WDHD1: variants seen among roughly 807,000 people sequenced by gnomAD.
WDHD1 encodes WD repeat and HMG-box DNA-binding protein 1.
A neutral mutation model predicts 135.4 loss-of-function variants in WDHD1; 111 were observed. That is an observed-to-expected ratio of 0.82 (90% CI 0.70 to 0.96). The LOEUF is 0.96. Among genes scored for constraint, WDHD1 ranks in the 40% least tolerant of loss-of-function variants. The pLI is 0.00. For missense variants in WDHD1, 1,351 were observed against 1,336.3 expected (o/e 1.01, Z -0.17); for synonymous variants, 434 against 439.0 (o/e 0.99, Z 0.14).
At chr14:54,996,633 T>G (rs1183200640) in intron 10 of WDHD1, among the ~76,000 whole-genome samples, 1 of 151,994 alleles carries the variant, frequency 6.6e-6, no homozygotes, top group Admixed American at 6.6e-5. Context: ...TTTCAAAAAG[T>G]GAAATGGTAA....
At position 55,013,597 on chromosome 14, in the gene WDHD1, CTG is replaced by C; in HGVS notation, c.78-3_78-2del. Reference sequence around the variant, plus strand: ...ATCACTTCCACAAGTCACAATAAAACTGTGAAGAAAAGACACAAATTAAAGTC... The same window carrying C: ...ATCACTTCCACAAGTCACAATAAAACTGAAGAAAAGACACAAATTAAAGTC... On this transcript the variant is annotated splice_acceptor_variant and splice_polypyrimidine_tract_variant and intron_variant, in intron 2 of 25. Transcript: ENST00000360586. LOFTEE classifies it high-confidence loss of function. 6.2e-7 allele frequency: 1 copy of C among 1,611,914 alleles called. No individual in the cohort carries two copies. The highest frequency in any genetic ancestry group is 1.1e-5 in the South Asian group (1 of 91,036).
rs372873421 is a variant in WDHD1 at position 54,995,571 on chromosome 14, G to C, written c.1153+32C>G. The C allele has an allele frequency of 8.0e-6, 12 of 1,497,210 alleles. No individual in the cohort carries two copies. The East Asian group carries it at 2.5e-4, about 31-fold the overall frequency. 92.7% of individuals were successfully genotyped at this position (1,497,210 alleles called of 1,614,324 possible). On this transcript the variant is annotated intron_variant, in intron 11 of 25. Coordinates refer to ENST00000360586, the MANE Select transcript of WDHD1 (RefSeq NM_007086.4). ...AAAAAATCTAAAATATTAATCAACA[G>C]GGTAATCACATGCACAAAGTCAAAT...
intron 25 of WDHD1, among the ~76,000 whole-genome samples, chr14:54,943,797 AAATT>A (rs2040875663): frequency 6.6e-6 from 1 of 152,088 alleles, no homozygotes; most frequent in African/African-American, 2.4e-5. Flanking sequence ...AACCGTCAAA[AAATT>A]AACCATCCAG....
chr14:54,950,675 C>G (rs2041032630), intron 24 of WDHD1, among the ~76,000 whole-genome samples: 4 of 152,170 alleles, frequency 2.6e-5, no homozygotes, highest in African/African-American at 9.7e-5. Flanking sequence ...ACTCTCCACC[C>G]CAAATCAACA....
chr14:54,940,434 C>T lies in WDHD1; in HGVS notation c.*1056G>A, dbSNP rs2040821758. 6.6e-6 allele frequency: 1 copy of T among 152,154 alleles called. No individual in the cohort carries two copies. Among genetic ancestry groups the T allele is most frequent in the African/African-American group, 2.4e-5 (1 of 41,438 alleles). The allele number at this position is 152,154 out of a possible 1,614,324, so 9.4% of individuals were successfully genotyped here. A position where few individuals can be genotyped will look rare whatever the true frequency, so the allele number is the denominator to read the frequency against. ...GGTTCATTTATGTCTAAATTTTCAA[C>T]ATACTTTTTCCCTTTCAACCTATTA... On this transcript the variant is annotated 3_prime_UTR_variant, in exon 26 of 26. Transcript: ENST00000360586.
chr14:54,998,073 C>T (rs917266524), intron 10 of WDHD1, among the ~76,000 whole-genome samples: 1 of 151,424 alleles, frequency 6.6e-6, no homozygotes, highest in Non-Finnish European at 1.5e-5. Flanking sequence ...ATTAGCAGGG[C>T]GTGGTGGTGG....
chr14:55,026,663 A>G, intron 2 of WDHD1, 48 bp downstream of exon 2: 1 of 1,579,102 alleles, frequency 6.3e-7, no homozygotes, highest in Non-Finnish European at 8.7e-7. Flanking sequence ...TTTAAGGATA[A>G]ATGTTTTAAC....
chr14:55,025,004 G>C lies in WDHD1; in HGVS notation c.77+1707C>G, dbSNP rs1220269922. Among the ~76,000 whole-genome samples, 11 of 95,806 alleles carry C rather than the reference G, an allele frequency of 1.1e-4. 3 individuals carry two copies. Among genetic ancestry groups the C allele is most frequent in the Non-Finnish European group, 2.0e-4 (8 of 40,616 alleles). The allele number at this position is 95,806 out of a possible 152,430, so 62.9% of individuals were successfully genotyped here. On this transcript the variant is annotated intron_variant, in intron 2 of 25. Coordinates refer to ENST00000360586, the MANE Select transcript of WDHD1 (RefSeq NM_007086.4). The stretch of plus-strand genomic sequence containing the variant: ...AGTAAAAGAGGAAGGAATGCCTCTT[G>C]CAGTTGAGACAAGAGGAAGGCATCT...
At chr14:54,941,874 A>G (rs376626394) in intron 25 of WDHD1, among the ~76,000 whole-genome samples, 184 bp from the exon 26 acceptor site, 4 of 152,352 alleles carry the variant, frequency 2.6e-5, no homozygotes, top group South Asian at 4.1e-4. Flanking sequence ...TTAAAGATTT[A>G]CACTACTTTT....
At chr14:54,998,892 C>T in intron 10 of WDHD1, among the ~76,000 whole-genome samples, 1 of 152,126 alleles carries the variant, frequency 6.6e-6, no homozygotes, top group Non-Finnish European at 1.5e-5. Flanking sequence ...ATAAAGTATG[C>T]CAAACTTATG....
At position 54,991,208 on chromosome 14, in the gene WDHD1, C is replaced by T. The variant is rs759356441; in HGVS notation, c.1341+5G>A. On this transcript the variant is annotated splice_donor_5th_base_variant and intron_variant, in intron 12 of 25. Coordinates refer to ENST00000360586, the MANE Select transcript of WDHD1 (RefSeq NM_007086.4). ...TAAGAAGTTAAGTGTAGATCCAAGT[C>T]TTACCATGAATCTGTGAGTGAGATG... 7.3e-7 allele frequency: 1 copy of T among 1,363,668 alleles called. No homozygotes were observed. Among genetic ancestry groups the T allele is most frequent in the Non-Finnish European group, 9.8e-7 (1 of 1,018,500 alleles). 84.5% of individuals were successfully genotyped at this position (1,363,668 alleles called of 1,614,324 possible).
intron 21 of WDHD1, among the ~76,000 whole-genome samples, chr14:54,961,854 T>G (rs2041256978): frequency 6.6e-6 from 1 of 151,692 alleles, no homozygotes; most frequent in African/African-American, 2.4e-5. Context: ...TTTTTTTTTT[T>G]GAGATGGAGT....
In WDHD1 at chr14:55,010,393, G is replaced by A. The variant is rs765096443; in HGVS notation, c.257C>T (p.Pro86Leu). Reference sequence around the variant, plus strand: ...AGTGAAGCGAGTCAATATACCATCTGGAACTCCTTCAGGAAATGTGTGGAC... The same window carrying A: ...AGTGAAGCGAGTCAATATACCATCTAGAACTCCTTCAGGAAATGTGTGGAC... ...IQVHTFPEGV[P>L]DGILTRFTTN... The change falls in exon 4 of 26, where the codon CCA (proline) becomes CTA (leucine). Residue 86 changes from proline (P) to leucine (L), a missense_variant. Transcript: ENST00000360586. 10 of 1,613,136 alleles carry A rather than the reference G, an allele frequency of 6.2e-6. No individual in the cohort carries two copies. Among genetic ancestry groups the A allele is most frequent in the Admixed American group, 1.7e-5 (1 of 59,876 alleles).
chr14:54,998,208 GAA>G (rs112728495), intron 10 of WDHD1, among the ~76,000 whole-genome samples: 17 of 149,868 alleles, frequency 1.1e-4, no homozygotes, highest in African/African-American at 3.9e-4. Flanking sequence ...TTGCCTCAAA[GAA>G]AAAAAAAAAT....
At chr14:54,956,865 C>T (rs2041168005) in intron 23 of WDHD1, among the ~76,000 whole-genome samples, 169 bp downstream of exon 23, 1 of 152,138 alleles carries the variant, frequency 6.6e-6, no homozygotes. Flanking sequence ...TCTGGGACTA[C>T]AGGTATGTGC....
chr14:54,953,380 A>C (rs1254411866), intron 24 of WDHD1, among the ~76,000 whole-genome samples: 1 of 152,252 alleles, frequency 6.6e-6, no homozygotes, highest in African/African-American at 2.4e-5. Flanking sequence ...AATGCTCATC[A>C]TCACTGGCCA....
chr14:54,976,092 G>A (rs1460385552), intron 16 of WDHD1, among the ~76,000 whole-genome samples: 3 of 152,100 alleles, frequency 2.0e-5, no homozygotes, highest in Non-Finnish European at 4.4e-5. Flanking sequence ...CCACAAGCAG[G>A]CAGTGTCACT....
At chr14:54,952,746 A>G (rs1482373462) in intron 24 of WDHD1, among the ~76,000 whole-genome samples, 4 of 151,082 alleles carry the variant, frequency 2.6e-5, no homozygotes, top group Non-Finnish European at 5.9e-5. Flanking sequence ...CAAACTATAC[A>G]AAACAGCACA....
intron 24 of WDHD1, among the ~76,000 whole-genome samples, chr14:54,953,902 C>T (rs904970947): frequency 1.3e-5 from 2 of 152,212 alleles, no homozygotes; most frequent in African/African-American, 4.8e-5. Context: ...TGTTCTCACT[C>T]ATAGGTGAGA....
Sources: gnomAD v4.1 joint callset for allele counts (sites outside exome capture counted in the v4.1 genomes callset) on GRCh38, gnomAD v4.1.1 for gene constraint, MANE v1.5 for transcripts, NCBI Gene and HGNC (gene_info 2026-07-23, HGNC 2026-07-21) for gene names.